PRIMPOL: variants seen among roughly 807,000 people sequenced by gnomAD.
PRIMPOL encodes DNA-directed primase/polymerase protein.
A neutral mutation model predicts 63.6 loss-of-function variants in PRIMPOL; 54 were observed. The observed-to-expected ratio is 0.85, with a 90% CI of 0.68 to 1.07. The LOEUF is 1.07. PRIMPOL is among the 50% of genes least tolerant of loss of function. The pLI is 0.00. For synonymous variants in PRIMPOL, 197 were observed against 220.2 expected (o/e 0.89, Z 0.93); for missense variants, 610 against 648.3 (o/e 0.94, Z 0.64).
rs1197949611 is a variant in PRIMPOL, at chr4:184,682,284, A to G, written c.1044A>G (p.Pro348=). 1 of 1,605,012 alleles carries G rather than the reference A, an allele frequency of 6.2e-7. No individual in the cohort carries two copies. The highest frequency in any genetic ancestry group is 2.2e-5 in the East Asian group (1 of 44,804). ...SDTLRILTCE[P]SQNKQKGVGY... Reference sequence around the variant, plus strand: ...CTTTACGAATTCTTACATGTGAGCCATCTCAGAATAAACAAAAAGGAGTTG... The same window carrying G: ...CTTTACGAATTCTTACATGTGAGCCGTCTCAGAATAAACAAAAAGGAGTTG... Residue 348 remains proline (P), a synonymous_variant, in exon 9 of 14, where the codon CCA becomes CCG. Transcript: ENST00000314970.
chr4:184,670,959 C>A (rs1178822984), intron 6 of PRIMPOL, among the ~76,000 whole-genome samples: 1 of 151,276 alleles, frequency 6.6e-6, no homozygotes, highest in Non-Finnish European at 1.5e-5. Flanking sequence ...AAGAATGAAT[C>A]TAAACAATAA....
intron 13 of PRIMPOL, among the ~76,000 whole-genome samples, chr4:184,692,603 AATTT>A (rs1759045046): frequency 6.6e-6 from 1 of 151,332 alleles, no homozygotes; most frequent in South Asian, 2.1e-4. Flanking sequence ...TACCTTCGAG[AATTT>A]ATGTATGCTC....
chr4:184,660,589 TCAA>T (rs1748055423), intron 4 of PRIMPOL, among the ~76,000 whole-genome samples: 1 of 152,230 alleles, frequency 6.6e-6, no homozygotes, highest in African/African-American at 2.4e-5. Flanking sequence ...CTAAGTAGCT[TCAA>T]ATATGAAACT....
intron 8 of PRIMPOL, 68 bp downstream of exon 8, chr4:184,678,462 T>A: frequency 8.8e-7 from 1 of 1,133,426 alleles, no homozygotes; most frequent in East Asian, 2.7e-5. Context: ...TGGCATTGTA[T>A]ATTACTAAAA....
rs6820929 is a variant in PRIMPOL, at chr4:184,665,637, G to A, written c.409-280G>A. The stretch of plus-strand genomic sequence containing the variant: ...TCCTGCCTCGGCCTCCTGAGTAGCT[G>A]GGACTTATAGACACCTGCCACCACG... On this transcript the variant is annotated intron_variant, in intron 5 of 13. Transcript: ENST00000314970. Among the ~76,000 whole-genome samples the A allele has an allele frequency of 7.3e-3, 1,113 of 151,562 alleles. 14 individuals are homozygous for A. The highest frequency in any genetic ancestry group is 0.025 in the African/African-American group (1,044 of 41,252).
chr4:184,665,768 G>A (rs937698568), intron 5 of PRIMPOL, 149 bp from the exon 6 acceptor site: 11 of 454,120 alleles, frequency 2.4e-5, no homozygotes, highest in Admixed American at 4.1e-5. Context: ...GCCTCCCAAA[G>A]TGCTGGGATT....
intron 5 of PRIMPOL, among the ~76,000 whole-genome samples, chr4:184,662,899 C>A (rs1005987054): frequency 1.4e-4 from 21 of 151,126 alleles, no homozygotes; most frequent in Admixed American, 1.3e-3. Context: ...TATAAAGTCC[C>A]CCACCACCCC....
chr4:184,684,327 A>T (rs1455522703), intron 9 of PRIMPOL, among the ~76,000 whole-genome samples: 1 of 152,050 alleles, frequency 6.6e-6, no homozygotes, highest in Non-Finnish European at 1.5e-5. Flanking sequence ...GTGGTGTTGC[A>T]CGCCTGTAAT....
intron 11 of PRIMPOL, among the ~76,000 whole-genome samples, chr4:184,691,174 T>C (rs1200845358): frequency 1.3e-5 from 2 of 152,144 alleles, no homozygotes; most frequent in South Asian, 2.1e-4. Flanking sequence ...AAAACCTTGA[T>C]TTATGGTAGA....
At chr4:184,666,812 T>C (rs1053778001) in intron 6 of PRIMPOL, among the ~76,000 whole-genome samples, 2 of 152,230 alleles carry the variant, frequency 1.3e-5, no homozygotes, top group African/African-American at 2.4e-5. Flanking sequence ...GTTGGGATAA[T>C]TCTAGATGTA....
At chr4:184,684,907 G>A (rs1756621372) in intron 9 of PRIMPOL, among the ~76,000 whole-genome samples, 1 of 152,152 alleles carries the variant, frequency 6.6e-6, no homozygotes, top group South Asian at 2.1e-4. Flanking sequence ...CGGGGGTGTT[G>A]GTCATGTTTG....
Position 184,666,018 on chromosome 4 carries a change from A to C in PRIMPOL, c.510A>C (p.Leu170Phe). Residue 170 changes from leucine to phenylalanine, a missense_variant, in exon 6 of 14, where the codon TTA (leucine) becomes TTC (phenylalanine). Leu to Phe is a conservative substitution (Grantham distance 22). Coordinates refer to ENST00000314970, the MANE Select transcript of PRIMPOL (RefSeq NM_152683.4). ...CTGATGAAAAATTCAGCCGGCATTT[A>C]ATATTTCAGCTCCATGATGTGGCAT... ...SSTDEKFSRH[L>F]IFQLHDVAFK... 6.2e-7 allele frequency: 1 copy of C among 1,610,534 alleles called. No homozygotes were observed.
At chr4:184,658,479 A>G (rs764231959) in intron 3 of PRIMPOL, among the ~76,000 whole-genome samples, 9 of 152,236 alleles carry the variant, frequency 5.9e-5, no homozygotes, top group Non-Finnish European at 1.3e-4. Context: ...GAAAAGAAAA[A>G]TATGCTCACC....
chr4:184,691,481 T>TC lies in PRIMPOL; in HGVS notation c.1296-18_1296-17insC, dbSNP rs556507715. 1.4e-3 allele frequency: 2,165 copies of TC among 1,494,036 alleles called. 26 individuals carry two copies. The African/African-American group carries it at 0.025, about 17-fold the overall frequency. The allele number at this position is 1,494,036 out of a possible 1,614,324, so 92.5% of individuals were successfully genotyped here. ...CAGTCTTGGTATTAATACTTTTTTT[T>TC]TTTTTTTAAACATAAAGGATTCTGG... On this transcript the variant is annotated splice_polypyrimidine_tract_variant and intron_variant, in intron 11 of 13. Coordinates refer to ENST00000314970, the MANE Select transcript of PRIMPOL (RefSeq NM_152683.4).
At chr4:184,674,465 G>A (rs1157614077) in intron 7 of PRIMPOL, among the ~76,000 whole-genome samples, 2 of 152,052 alleles carry the variant, frequency 1.3e-5, no homozygotes, top group Non-Finnish European at 2.9e-5. Context: ...GGCAACAACT[G>A]TTCTGTCCTC....
intron 6 of PRIMPOL, among the ~76,000 whole-genome samples, chr4:184,668,991 C>T (rs958617719): frequency 6.6e-6 from 1 of 152,110 alleles, no homozygotes; most frequent in Non-Finnish European, 1.5e-5. Flanking sequence ...CTATCATGGG[C>T]CACATTTTCT....
intron 7 of PRIMPOL, among the ~76,000 whole-genome samples, chr4:184,676,378 CCCTTCCTTTCCCT>C (rs1261067883): frequency 0.019 from 1,893 of 97,422 alleles, 58 homozygotes; most frequent in Non-Finnish European, 0.029. Context: ...CCCTTCCCTT[CCCTTCCTTTCCCT>C]TCCCTTCCCC....
chr4:184,669,746 T>C (rs1751064459), intron 6 of PRIMPOL, among the ~76,000 whole-genome samples: 1 of 152,152 alleles, frequency 6.6e-6, no homozygotes, highest in African/African-American at 2.4e-5. Context: ...CGTGGCTCAT[T>C]TGGGGACAGT....
chr4:184,692,530 G>T (rs1758991621), intron 13 of PRIMPOL, among the ~76,000 whole-genome samples: 1 of 144,954 alleles, frequency 6.9e-6, no homozygotes, highest in South Asian at 2.2e-4. Flanking sequence ...TACACAAGAA[G>T]CAAAGAGGAA....
Sources: gnomAD v4.1 joint callset for allele counts (sites outside exome capture counted in the v4.1 genomes callset) on GRCh38, gnomAD v4.1.1 for gene constraint, MANE v1.5 for transcripts, NCBI Gene and HGNC (gene_info 2026-07-23, HGNC 2026-07-21) for gene names.